Variants in FAT3 observed in about 807,000 individuals in gnomAD.
FAT3 encodes FAT atypical cadherin 3, also known as protocadherin Fat 3.
Under a neutral mutation model 310.2 loss-of-function variants are expected in FAT3, and 95 were observed. The observed-to-expected ratio is 0.31, with a 90% CI of 0.26 to 0.36. FAT3 has a LOEUF of 0.36. Ranked by LOEUF, FAT3 falls within the 10% of genes least tolerant of loss-of-function variation. The pLI is 1.00. For synonymous variants in FAT3, 2,314 were observed against 2,192.9 expected, an observed-to-expected ratio of 1.06 and a Z score of -1.54; for missense variants, 5,408 against 5,715.6, an observed-to-expected ratio of 0.95 and a Z score of 1.74.
rs1320263138 is a variant in FAT3 at position 92,491,238 on chromosome 11, C to A, written c.3293-33396C>A. On this transcript the variant is annotated intron_variant, in intron 2 of 27. Coordinates refer to ENST00000525166, the MANE Select transcript of FAT3 (RefSeq NM_001367949.2). ...TGACTCTCAGCTGGTGCCAATTCTC[C>A]CTTCCTCCTGTCCCTAAGGGACATT... Among the ~76,000 whole-genome samples, 3 of 152,132 alleles carry A rather than the reference C, an allele frequency of 2.0e-5. No individual in the cohort carries two copies. In the East Asian group the frequency reaches 5.8e-4, roughly 30 times the overall value.
At chr11:92,373,705 A>G (rs72970567) in intron 2 of FAT3, among the ~76,000 whole-genome samples, 4,937 of 151,462 alleles carry the variant, frequency 0.033, 103 homozygotes, top group African/African-American at 0.043. Flanking sequence ...TTATCCTCGT[A>G]ACATTCTGTA....
chr11:92,695,018 C>A (rs887731260), intron 3 of FAT3, among the ~76,000 whole-genome samples: 1 of 152,146 alleles, frequency 6.6e-6, no homozygotes, highest in Admixed American at 6.5e-5. Context: ...TGACTCAGAG[C>A]GATGTGCTGC....
Position 92,894,957 on chromosome 11 carries a change from G to A in FAT3, c.*3844G>A, listed in dbSNP as rs1052865038. The A allele has an allele frequency of 6.6e-6, 1 of 152,138 alleles. No individual in the cohort carries two copies. The highest frequency in any genetic ancestry group is 1.5e-5 in the Non-Finnish European group (1 of 68,026). 9.4% of individuals were successfully genotyped at this position (152,138 alleles called of 1,614,324 possible). Reference sequence around the variant, plus strand: ...CCCCACCCTATCCACTACCCCCACTGATGCTATGTTTGCATCATCAAAGTC... The same window carrying A: ...CCCCACCCTATCCACTACCCCCACTAATGCTATGTTTGCATCATCAAAGTC... On this transcript the variant is annotated 3_prime_UTR_variant, in exon 28 of 28. Coordinates refer to ENST00000525166, the MANE Select transcript of FAT3 (RefSeq NM_001367949.2).
intron 4 of FAT3, among the ~76,000 whole-genome samples, chr11:92,711,396 A>G (rs1392084477): frequency 6.6e-6 from 1 of 152,112 alleles, no homozygotes; most frequent in Non-Finnish European, 1.5e-5. Context: ...CACTTTTTCT[A>G]GAATATTGCA....
At chr11:92,255,804 G>T (rs1161019781) in intron 1 of FAT3, among the ~76,000 whole-genome samples, 2 of 152,122 alleles carry the variant, frequency 1.3e-5, no homozygotes, top group Non-Finnish European at 2.9e-5. Flanking sequence ...GAATGAACCT[G>T]CTCTAAAACT....
rs138572360 is a variant in FAT3 at position 92,601,026 on chromosome 11, G to A, written c.3607+76078G>A. On this transcript the variant is annotated intron_variant, in intron 3 of 27. Coordinates refer to ENST00000525166, the MANE Select transcript of FAT3 (RefSeq NM_001367949.2). Reference sequence around the variant, plus strand: ...AGCAAAGGCCTCTGAGACAGGAGTCGGGGGAGAGATGTCATCAGAGAAGGA... The same window carrying A: ...AGCAAAGGCCTCTGAGACAGGAGTCAGGGGAGAGATGTCATCAGAGAAGGA... Among the ~76,000 whole-genome samples the A allele has an allele frequency of 5.5e-3, 835 of 152,226 alleles. 8 individuals carry two copies. Among genetic ancestry groups the A allele is most frequent in the Non-Finnish European group, 6.5e-3 (441 of 68,016 alleles).
chr11:92,387,111 T>TGTGTGTGTG, intron 2 of FAT3, among the ~76,000 whole-genome samples: 3 of 130,626 alleles, frequency 2.3e-5, no homozygotes, highest in African/African-American at 9.0e-5. Context: ...TGTGTGTGTG[T>TGTGTGTGTG]AACAGAGGGA....
At position 92,531,887 on chromosome 11, in the gene FAT3, A is replaced by G. The variant is rs118092734; in HGVS notation, c.3607+6939A>G. On this transcript the variant is annotated intron_variant, in intron 3 of 27. Transcript: ENST00000525166. ...GGAGCTGTTCTATATGTTATATAAG[A>G]TGTTCAGCAGTATCCCTGGCCTCTG... 3.6e-3 allele frequency among the ~76,000 whole-genome samples: 555 copies of G among 152,172 alleles called. 2 individuals carry two copies. The highest frequency in any genetic ancestry group is 5.7e-3 in the Non-Finnish European group (385 of 68,006).
At chr11:92,512,511 A>AATATATATAAATTATATTTTAAATTTG (rs1953329254) in intron 2 of FAT3, among the ~76,000 whole-genome samples, 1 of 144,248 alleles carries the variant, frequency 6.9e-6, no homozygotes, top group African/African-American at 2.6e-5. Flanking sequence ...TCAAAAAAAA[A>AATATATATAAATTATATTTTAAATTTG]TATATATAAA....
intron 1 of FAT3, among the ~76,000 whole-genome samples, chr11:92,289,130 T>C (rs920294584): frequency 6.6e-6 from 1 of 152,098 alleles, no homozygotes; most frequent in African/African-American, 2.4e-5. Context: ...TTTTGGCTCA[T>C]CTATGAGCAG....
chr11:92,865,066 C>T (rs1028198570), intron 21 of FAT3, among the ~76,000 whole-genome samples: 4 of 152,216 alleles, frequency 2.6e-5, no homozygotes, highest in African/African-American at 9.6e-5. Flanking sequence ...CTGAGTGGTA[C>T]ATGACAAAGC....
At chr11:92,247,404 A>T (rs186650402) in intron 1 of FAT3, among the ~76,000 whole-genome samples, 1 of 150,834 alleles carries the variant, frequency 6.6e-6, no homozygotes. Context: ...TTGGTGTGAC[A>T]TGCCTCTTCT....
chr11:92,389,864 G>A (rs1949708286), intron 2 of FAT3, among the ~76,000 whole-genome samples: 1 of 152,104 alleles, frequency 6.6e-6, no homozygotes, highest in Non-Finnish European at 1.5e-5. Context: ...TAAACTTGGA[G>A]TTTTTCTTTT....
rs1486678306 is a variant in FAT3, at chr11:92,891,000, T to C, written c.13657T>C (p.Cys4553Arg). 3.7e-6 allele frequency: 6 copies of C among 1,613,910 alleles called. No homozygotes were observed. Among genetic ancestry groups the C allele is most frequent in the South Asian group, 2.2e-5 (2 of 91,066 alleles). Reference protein sequence around the residue: ...GTSSSDVSANCGFDDSEVAMS... With the variant: ...GTSSSDVSANRGFDDSEVAMS... Reference sequence around the variant, plus strand: ...CTCATCCTCGGATGTGTCTGCCAACTGCGGCTTTGACGATTCCGAAGTAGC... The same window carrying C: ...CTCATCCTCGGATGTGTCTGCCAACCGCGGCTTTGACGATTCCGAAGTAGC... The change falls in exon 28 of 28, where the codon TGC becomes CGC. Residue 4553 changes from cysteine (C) to arginine (R), a missense_variant. Cys to Arg is a radical substitution (Grantham distance 180). This residue lies in a region of FAT3 where 649 missense variants were observed against 666.2 expected (regional missense o/e 0.97). Transcript: ENST00000525166.
intron 2 of FAT3, among the ~76,000 whole-genome samples, chr11:92,362,914 T>A (rs117858894): frequency 0.023 from 3,566 of 152,324 alleles, 68 homozygotes; most frequent in South Asian, 0.036. Flanking sequence ...CCAATGCTTT[T>A]TTAACAAGGT....
intron 2 of FAT3, among the ~76,000 whole-genome samples, chr11:92,400,993 A>G (rs1471936908): frequency 1.3e-5 from 2 of 152,226 alleles, no homozygotes; most frequent in African/African-American, 4.8e-5. Flanking sequence ...TGAAAAGATT[A>G]AAACCATAAA....
At chr11:92,356,784 G>A (rs1281961733) in intron 2 of FAT3, among the ~76,000 whole-genome samples, 1 of 152,142 alleles carries the variant, frequency 6.6e-6, no homozygotes, top group African/African-American at 2.4e-5. Context: ...TGATGATGAT[G>A]ATTAGAACAG....
intron 2 of FAT3, among the ~76,000 whole-genome samples, chr11:92,514,260 G>A (rs1953403422): frequency 6.6e-6 from 1 of 152,072 alleles, no homozygotes; most frequent in Non-Finnish European, 1.5e-5. Context: ...ATATTAAGAT[G>A]CCCAGAGAAT....
chr11:92,568,273 T>C (rs1276216893), intron 3 of FAT3, among the ~76,000 whole-genome samples: 4 of 152,172 alleles, frequency 2.6e-5, no homozygotes, highest in African/African-American at 9.7e-5. Flanking sequence ...AAGAAGAATT[T>C]AAATGTTACT....
Sources: gnomAD v4.1 joint callset for allele counts (sites outside exome capture counted in the v4.1 genomes callset) on GRCh38, gnomAD v4.1.1 for gene constraint, gnomAD v4.1.1 regional missense constraint, MANE v1.5 for transcripts, NCBI Gene and HGNC (gene_info 2026-07-23, HGNC 2026-07-21) for gene names.